TRDN: variants seen among roughly 807,000 people sequenced by gnomAD.
TRDN encodes the protein triadin in skeletal muscle.
TRDN carries 161 observed loss-of-function variants against 149.7 expected under a neutral mutation model. That is an observed-to-expected ratio of 1.08 (90% CI 0.95 to 1.23). The LOEUF is 1.23. Among genes scored for constraint, TRDN ranks in the 50% most tolerant of loss-of-function variants. The pLI, the probability that TRDN is intolerant of heterozygous loss-of-function variation, is 0.00. For missense variants in TRDN, 896 were observed against 823.5 expected (o/e 1.09, Z -1.08); for synonymous variants, 294 against 250.5 (o/e 1.17, Z -1.64).
intron 2 of TRDN, among the ~76,000 whole-genome samples, chr6:123,567,288 C>A (rs1234437164): frequency 6.6e-6 from 1 of 152,136 alleles, no homozygotes; most frequent in Non-Finnish European, 1.5e-5. Context: ...GGATAAATAG[C>A]CCTTTTGCTT....
In TRDN at chr6:123,259,682, C is replaced by T; in HGVS notation, c.1832-20G>A. 2.1e-6 allele frequency: 3 copies of T among 1,445,676 alleles called. No individual in the cohort carries two copies. The highest frequency in any genetic ancestry group is 2.8e-6 in the Non-Finnish European group (3 of 1,072,316). The allele number at this position is 1,445,676 out of a possible 1,614,324, so 89.6% of individuals were successfully genotyped here. On this transcript the variant is annotated intron_variant, in intron 34 of 40. Transcript: ENST00000334268. ...TCTTTCCTAGGGGAAAGAAAAACAACAAGAAACCATCATTTTAAAAAACAT... is the reference window on the plus strand; with the variant it reads ...TCTTTCCTAGGGGAAAGAAAAACAATAAGAAACCATCATTTTAAAAAACAT...
At chr6:123,419,952 G>A (rs758656312) in intron 12 of TRDN, among the ~76,000 whole-genome samples, 6 of 152,156 alleles carry the variant, frequency 3.9e-5, no homozygotes, top group Admixed American at 6.5e-5. Context: ...TCTGTGAAAT[G>A]AGGGTGACAA....
rs1562348772 is a variant in TRDN at position 123,499,722 on chromosome 6, AT to A, written c.794-2471del. ...CTGGCTCAAAAAAAAAAAAAAAAAT[AT>A]ATATATATATATATATATATAGTTA... On this transcript the variant is annotated intron_variant, in intron 8 of 40. Transcript: ENST00000334268. Among the ~76,000 whole-genome samples, 226 of 110,962 alleles carry A rather than the reference AT, an allele frequency of 2.0e-3. 6 individuals carry two copies. The highest frequency in any genetic ancestry group is 7.0e-3 in the African/African-American group (204 of 29,030). 72.8% of individuals were successfully genotyped at this position (110,962 alleles called of 152,430 possible). A position where few individuals can be genotyped will look rare whatever the true frequency, so the allele number is the denominator to read the frequency against.
chr6:123,565,653 A>G (rs1158507736), intron 2 of TRDN, among the ~76,000 whole-genome samples: 4 of 152,152 alleles, frequency 2.6e-5, no homozygotes, highest in Non-Finnish European at 4.4e-5. Context: ...TATTGTCTGA[A>G]GGTTGGTGTA....
chr6:123,355,012 C>T (rs1338443437), intron 20 of TRDN, among the ~76,000 whole-genome samples: 1 of 151,696 alleles, frequency 6.6e-6, no homozygotes, highest in Non-Finnish European at 1.5e-5. Context: ...GCTTTAATTT[C>T]AGTCTTTCCT....
chr6:123,566,703 A>G (rs925937458), intron 2 of TRDN, among the ~76,000 whole-genome samples: 15 of 152,216 alleles, frequency 9.9e-5, no homozygotes, highest in Non-Finnish European at 1.5e-5. Context: ...CACATGGTAC[A>G]AAAGATTCAT....
rs571582098 is a variant in TRDN, at chr6:123,224,655, G to A, written c.1976-524C>T. On this transcript the variant is annotated intron_variant, in intron 38 of 40. Transcript: ENST00000334268. Reference sequence around the variant, plus strand: ...AAAAAGGTACCAAGAATAAACAATGGGGGAAAGATAGTCTCTTCAATATAT... The same window carrying A: ...AAAAAGGTACCAAGAATAAACAATGAGGGAAAGATAGTCTCTTCAATATAT... Among the ~76,000 whole-genome samples, 3 of 151,742 alleles carry A rather than the reference G, an allele frequency of 2.0e-5. No homozygotes were observed. The South Asian group carries it at 6.2e-4, about 32-fold the overall frequency.
At chr6:123,579,398 T>C (rs564972878) in intron 1 of TRDN, among the ~76,000 whole-genome samples, 1 of 152,168 alleles carries the variant, frequency 6.6e-6, no homozygotes, top group Non-Finnish European at 1.5e-5. Flanking sequence ...ATTGAGATAA[T>C]CATGTGGTTT....
At chr6:123,220,143 C>T (rs953174732) in intron 40 of TRDN, among the ~76,000 whole-genome samples, 1 of 151,824 alleles carries the variant, frequency 6.6e-6, no homozygotes, top group Non-Finnish European at 1.5e-5. Context: ...CACCATTTTA[C>T]TAAAAGTATT....
chr6:123,474,382 T>C (rs1224192990), intron 9 of TRDN, among the ~76,000 whole-genome samples: 1 of 152,128 alleles, frequency 6.6e-6, no homozygotes, highest in Non-Finnish European at 1.5e-5. Context: ...CTAACTATCC[T>C]AAATATATAT....
chr6:123,393,075 T>G (rs1772566474), intron 13 of TRDN, among the ~76,000 whole-genome samples: 1 of 152,088 alleles, frequency 6.6e-6, no homozygotes, highest in Non-Finnish European at 1.5e-5. Context: ...TTAATCCTCA[T>G]GGTGTGAGAC....
chr6:123,530,355 A>G (rs1780182143), intron 5 of TRDN, 151 bp downstream of exon 5: 2 of 114,392 alleles, frequency 1.7e-5, no homozygotes, highest in South Asian at 2.5e-4. Context: ...ATTAACTGAT[A>G]TACATTTATA....
chr6:123,377,605 G>T, intron 18 of TRDN, 111 bp downstream of exon 18: 1 of 1,258,618 alleles, frequency 7.9e-7, no homozygotes, highest in Non-Finnish European at 1.1e-6. Context: ...ACTGTGAGAT[G>T]GAAGCATTCC....
chr6:123,223,263 G>A (rs1190861687), intron 39 of TRDN, among the ~76,000 whole-genome samples: 3 of 151,570 alleles, frequency 2.0e-5, no homozygotes, highest in Admixed American at 2.0e-4. Flanking sequence ...AAAGACGGGA[G>A]GAACAGACAC....
At chr6:123,492,845 C>G (rs1274320388) in intron 9 of TRDN, among the ~76,000 whole-genome samples, 1 of 152,106 alleles carries the variant, frequency 6.6e-6, no homozygotes, top group Non-Finnish European at 1.5e-5. Flanking sequence ...GACAAGTAGA[C>G]TACTTTAAGC....
At chr6:123,615,250 A>G (rs113341063) in intron 1 of TRDN, among the ~76,000 whole-genome samples, 4 of 152,194 alleles carry the variant, frequency 2.6e-5, no homozygotes, top group African/African-American at 7.2e-5. Flanking sequence ...GGCTTCCTCA[A>G]AAAACTGAAA....
At chr6:123,263,544 C>A (rs1776843433) in intron 33 of TRDN, among the ~76,000 whole-genome samples, 1 of 152,034 alleles carries the variant, frequency 6.6e-6, no homozygotes, top group South Asian at 2.1e-4. Context: ...TAGGGAGGAT[C>A]ACTTGAGCCC....
intron 23 of TRDN, among the ~76,000 whole-genome samples, chr6:123,325,779 T>C (rs568003206): frequency 6.6e-6 from 1 of 152,228 alleles, no homozygotes; most frequent in African/African-American, 2.4e-5. Flanking sequence ...ATATGTTGAA[T>C]TAACTTATTC....
At chr6:123,313,760 T>C (rs904348056) in intron 24 of TRDN, among the ~76,000 whole-genome samples, 2 of 152,010 alleles carry the variant, frequency 1.3e-5, no homozygotes, top group Admixed American at 6.6e-5. Context: ...GGATTCCCTA[T>C]TCAATAAATG....
Sources: gnomAD v4.1 joint callset for allele counts (sites outside exome capture counted in the v4.1 genomes callset) on GRCh38, gnomAD v4.1.1 for gene constraint, MANE v1.5 for transcripts, NCBI Gene and HGNC (gene_info 2026-07-23, HGNC 2026-07-21) for gene names.